Variants in SPAG16 observed in about 807,000 individuals in gnomAD.
SPAG16 encodes sperm-associated antigen 16 protein.
In SPAG16, 86 loss-of-function variants were observed where a neutral mutation model predicts 80.4. That is an observed-to-expected ratio of 1.07 (90% confidence interval 0.90 to 1.28). The LOEUF (loss-of-function observed/expected upper bound fraction) is 1.28, where lower values mean the gene tolerates loss of function less well. Ranked by LOEUF, SPAG16 falls within the 50% of genes most tolerant of loss-of-function variation. The probability of loss-of-function intolerance (pLI) is 0.00; values close to 1 mark genes in which losing one functional copy is unlikely to be tolerated. For missense variants in SPAG16, 870 were observed against 765.3 expected (o/e 1.14, Z -1.61); for synonymous variants, 294 against 265.9 (o/e 1.11, Z -1.03).
chr2:214,171,345 T>C (rs2125634554), intron 15 of SPAG16, among the ~76,000 whole-genome samples: 1 of 152,104 alleles, frequency 6.6e-6, no homozygotes, highest in Middle Eastern at 3.4e-3. Context: ...GTCAAAGCTC[T>C]CCTTTATCAG....
intron 11 of SPAG16, 85 bp from the exon 12 acceptor site, chr2:213,929,875 A>G (rs1437171722): frequency 3.4e-6 from 4 of 1,186,316 alleles, no homozygotes; most frequent in African/African-American, 3.0e-5. Context: ...ACATACACAT[A>G]CACACAAATT....
At chr2:214,357,931 C>G (rs1048777222) in intron 15 of SPAG16, among the ~76,000 whole-genome samples, 2 of 151,940 alleles carry the variant, frequency 1.3e-5, no homozygotes, top group Non-Finnish European at 2.9e-5. Context: ...TCATGTGAAT[C>G]CTGGGTCCAA....
chr2:213,567,241 T>A (rs1350808549), intron 10 of SPAG16, among the ~76,000 whole-genome samples: 1 of 150,778 alleles, frequency 6.6e-6, no homozygotes, highest in Admixed American at 6.6e-5. Flanking sequence ...GTTTTTTTTT[T>A]TTTATTATAC....
In SPAG16 at chr2:213,284,576, C is replaced by T; in HGVS notation, c.93C>T (p.Asp31=). The part of the protein sequence containing the change: ...MGLTAAGDAR[D]TADAVAAEGA... The stretch of plus-strand genomic sequence containing the variant: ...TGACGGCAGCCGGGGACGCGAGGGA[C>T]ACGGCGGACGCGGTGGCGGCTGAGG... Residue 31 remains aspartate (D), a synonymous_variant, in exon 1 of 16, where the codon GAC becomes GAT. Transcript: ENST00000331683. The T allele has an allele frequency of 1.2e-6, 2 of 1,609,854 alleles. No individual in the cohort carries two copies. The highest frequency in any genetic ancestry group is 1.3e-5 in the African/African-American group (1 of 75,032).
At chr2:214,352,572 G>GTGTGTGTGTGTGTGTA (rs1179061926) in intron 15 of SPAG16, among the ~76,000 whole-genome samples, 1 of 60,710 alleles carries the variant, frequency 1.6e-5, no homozygotes, top group Middle Eastern at 8.2e-3. Context: ...GTGTGTGTGT[G>GTGTGTGTGTGTGTGTA]TGTATGTGTG....
intron 15 of SPAG16, among the ~76,000 whole-genome samples, chr2:214,214,185 C>CTT (rs71399124): frequency 5.7e-5 from 8 of 140,052 alleles, no homozygotes; most frequent in Non-Finnish European, 1.1e-4. Flanking sequence ...TTCCTTTTTA[C>CTT]TTTTTTTTTT....
Position 213,643,349 on chromosome 2 carries a change from TA to T in SPAG16, c.1070+153260del, listed in dbSNP as rs2125120396. On this transcript the variant is annotated intron_variant, in intron 10 of 15. Coordinates refer to ENST00000331683, the MANE Select transcript of SPAG16 (RefSeq NM_024532.5). ...TGCCAGATGTATTGGATCTTAATTT[TA>T]TATATATATATATATATATATATAT... 7.5e-4 allele frequency among the ~76,000 whole-genome samples: 3 copies of T among 3,986 alleles called. 1 individual carries two copies. The highest frequency in any genetic ancestry group is 0.028 in the South Asian group (2 of 72). The allele number at this position is 3,986 out of a possible 152,430, so 2.6% of individuals were successfully genotyped here.
chr2:213,974,186 C>T (rs957923966), intron 12 of SPAG16, among the ~76,000 whole-genome samples: 1 of 152,056 alleles, frequency 6.6e-6, no homozygotes, highest in East Asian at 1.9e-4. Flanking sequence ...ATAATTAGTT[C>T]TGTCTCTTAT....
intron 5 of SPAG16, among the ~76,000 whole-genome samples, chr2:213,327,468 C>T (rs2063894144): frequency 1.3e-5 from 2 of 151,980 alleles, no homozygotes; most frequent in African/African-American, 4.8e-5. Context: ...GCTTTGTTTC[C>T]TGGGACGAGC....
chr2:214,371,126 T>C (rs943442474), intron 15 of SPAG16, among the ~76,000 whole-genome samples: 10 of 152,132 alleles, frequency 6.6e-5, no homozygotes, highest in Non-Finnish European at 1.3e-4. Flanking sequence ...ATTGGAGGTC[T>C]CCAGAATGTA....
intron 9 of SPAG16, among the ~76,000 whole-genome samples, chr2:213,391,357 CAT>C (rs1323096664): frequency 6.6e-6 from 1 of 152,120 alleles, no homozygotes; most frequent in African/African-American, 2.4e-5. Flanking sequence ...AATTAACTAT[CAT>C]AATCAATTTT....
Position 214,062,315 on chromosome 2 carries a change from A to G in SPAG16, c.1528-45881A>G, listed in dbSNP as rs529160651. Among the ~76,000 whole-genome samples the G allele has an allele frequency of 2.4e-3, 346 of 146,064 alleles. 3 individuals carry two copies. The highest frequency in any genetic ancestry group is 4.4e-3 in the Non-Finnish European group (296 of 66,646). ...CATGCCTTAATCCCAGCTACTCAGG[A>G]GGCTGAGGCAGGAGAATCTCTTGAA... On this transcript the variant is annotated intron_variant, in intron 13 of 15. Transcript: ENST00000331683.
chr2:213,460,059 C>G (rs1317526705), intron 9 of SPAG16, among the ~76,000 whole-genome samples: 2 of 152,158 alleles, frequency 1.3e-5, no homozygotes, highest in Non-Finnish European at 2.9e-5. Flanking sequence ...ATGTGAAAGT[C>G]AAGTTGTTTT....
rs1478312443 is a variant in SPAG16 at position 213,310,110 on chromosome 2, G to A, written c.331G>A (p.Asp111Asn). 6 of 1,611,756 alleles carry A rather than the reference G, an allele frequency of 3.7e-6. No homozygotes were observed. Among genetic ancestry groups the A allele is most frequent in the Middle Eastern group, 1.6e-4 (1 of 6,062 alleles). Residue 111 changes from aspartate to asparagine, a missense_variant, in exon 4 of 16, where the codon GAC (aspartate) becomes AAC (asparagine). Asp to Asn is a conservative substitution (Grantham distance 23, BLOSUM62 1). Coordinates refer to ENST00000331683, the MANE Select transcript of SPAG16 (RefSeq NM_024532.5). ...SKHAVPEVIEDFLCNFLIKMG... is the reference protein window; with the variant it reads ...SKHAVPEVIENFLCNFLIKMG... ...GCATGCAGTACCTGAAGTAATAGAA[G>A]ACTTTCTCTGCAATTTCTTGATCAA...
At chr2:213,496,055 A>G (rs1048628865) in intron 10 of SPAG16, among the ~76,000 whole-genome samples, 1 of 152,182 alleles carries the variant, frequency 6.6e-6, no homozygotes, top group Admixed American at 6.5e-5. Flanking sequence ...ACAGTTTTAC[A>G]TACATAAAAA....
intron 13 of SPAG16, among the ~76,000 whole-genome samples, chr2:214,084,474 T>C (rs2051591482): frequency 1.3e-5 from 2 of 152,222 alleles, no homozygotes. Context: ...AAATACCTCA[T>C]TTATAATTCA....
intron 15 of SPAG16, among the ~76,000 whole-genome samples, chr2:214,211,818 T>C (rs2058301883): frequency 6.6e-6 from 1 of 152,148 alleles, no homozygotes; most frequent in Non-Finnish European, 1.5e-5. Context: ...ATGGCACTAT[T>C]ATTCCCCCAA....
chr2:214,114,379 C>T (rs1387593188), intron 14 of SPAG16, among the ~76,000 whole-genome samples: 1 of 152,218 alleles, frequency 6.6e-6, no homozygotes, highest in Non-Finnish European at 1.5e-5. Context: ...CAGACAGGGA[C>T]GTTTAAGTCT....
At chr2:213,878,662 A>G (rs1486404811) in intron 11 of SPAG16, among the ~76,000 whole-genome samples, 1 of 152,040 alleles carries the variant, frequency 6.6e-6, no homozygotes, top group Non-Finnish European at 1.5e-5. Context: ...AGTTTAATTA[A>G]GTCTATTTGT....
Sources: allele counts gnomAD v4.1 joint callset (sites outside exome capture counted in the v4.1 genomes callset), GRCh38; gene constraint gnomAD v4.1.1; transcripts MANE v1.5; gene names NCBI Gene and HGNC (gene_info 2026-07-23, HGNC 2026-07-21).